The following ACBD3 variants were observed in gnomAD, a reference collection of about 807,000 sequenced individuals.
ACBD3 encodes the protein acyl-CoA binding domain containing 3, also known as Golgi resident protein GCP60.
Under a neutral mutation model 66.9 loss-of-function variants are expected in ACBD3, and 30 were observed. That is an observed-to-expected ratio of 0.45 (90% CI 0.34 to 0.61). The LOEUF (loss-of-function observed/expected upper bound fraction) is 0.61. Ranked by LOEUF, ACBD3 falls within the 20% of genes least tolerant of loss-of-function variation. The pLI is 0.02. For synonymous variants in ACBD3, 278 were observed against 259.8 expected (o/e 1.07, Z -0.68); for missense variants, 544 against 664.5 (o/e 0.82, Z 1.99).
intron 1 of ACBD3, among the ~76,000 whole-genome samples, chr1:226,171,881 C>T (rs1660000329): frequency 6.6e-6 from 1 of 151,916 alleles, no homozygotes; most frequent in Admixed American, 6.6e-5. Context: ...TGTGGCCACA[C>T]ACGGTGGCTC....
At chr1:226,179,771 T>G (rs1425872005) in intron 1 of ACBD3, among the ~76,000 whole-genome samples, 2 of 151,890 alleles carry the variant, frequency 1.3e-5, no homozygotes, top group African/African-American at 2.4e-5. Context: ...GGCAGGAGAA[T>G]CGCTTGAACC....
chr1:226,168,260 C>T (rs1659911120), intron 1 of ACBD3, among the ~76,000 whole-genome samples: 1 of 152,052 alleles, frequency 6.6e-6, no homozygotes, highest in Non-Finnish European at 1.5e-5. Flanking sequence ...ATTCTACTCA[C>T]CTATTTTCAG....
chr1:226,173,762 T>TTC (rs1655932031), intron 1 of ACBD3, among the ~76,000 whole-genome samples: 1 of 135,100 alleles, frequency 7.4e-6, no homozygotes, highest in African/African-American at 2.8e-5. Flanking sequence ...CTTTTCTTTT[T>TTC]TTTTTTTTTT....
chr1:226,146,998 T>G (rs1169633304), intron 7 of ACBD3, among the ~76,000 whole-genome samples, 177 bp from the exon 8 acceptor site: 3 of 152,176 alleles, frequency 2.0e-5, no homozygotes, highest in African/African-American at 7.2e-5. Flanking sequence ...TGCAAGCGAT[T>G]CTCCTGCCTC....
rs1048412044 is a variant in ACBD3, at chr1:226,175,821, A to G, written c.287-9821T>C. Among the ~76,000 whole-genome samples the G allele has an allele frequency of 8.5e-5, 13 of 152,344 alleles. No individual in the cohort carries two copies. In the East Asian group the frequency reaches 1.9e-3, roughly 23 times the overall value. On this transcript the variant is annotated intron_variant, in intron 1 of 7. Transcript: ENST00000366812. Reference sequence around the variant, plus strand: ...GTTGTAGTCCAATTTCACCTTTTCAATTGCTCTGGTTTCCATTTTTAATAA... The same window carrying G: ...GTTGTAGTCCAATTTCACCTTTTCAGTTGCTCTGGTTTCCATTTTTAATAA...
intron 7 of ACBD3, among the ~76,000 whole-genome samples, chr1:226,148,765 C>CA (rs1015698298): frequency 3.3e-5 from 5 of 152,320 alleles, no homozygotes; most frequent in African/African-American, 9.6e-5. Flanking sequence ...CCAAAAAACT[C>CA]AGACTCTTCT....
chr1:226,166,315 T>C (rs1274808343), intron 1 of ACBD3, among the ~76,000 whole-genome samples: 1 of 151,426 alleles, frequency 6.6e-6, no homozygotes, highest in Non-Finnish European at 1.5e-5. Context: ...CCACCAAACC[T>C]GTCTTTTGGC....
chr1:226,160,975 C>T (rs767185243), intron 4 of ACBD3, among the ~76,000 whole-genome samples: 16 of 152,184 alleles, frequency 1.1e-4, no homozygotes, highest in Non-Finnish European at 2.2e-4. Context: ...CCTCGGACAG[C>T]CTTGCATATG....
intron 7 of ACBD3, among the ~76,000 whole-genome samples, chr1:226,150,236 A>T (rs190504345): frequency 0.027 from 4,090 of 150,882 alleles, 88 homozygotes; most frequent in African/African-American, 0.057. Flanking sequence ...CTAAAAAAAA[A>T]TTTTTTTTGT....
intron 2 of ACBD3, among the ~76,000 whole-genome samples, chr1:226,165,523 T>A (rs1659861090): frequency 6.6e-6 from 1 of 152,190 alleles, no homozygotes. Flanking sequence ...ACTCAATGTA[T>A]TCTTTTTTTG....
At position 226,156,436 on chromosome 1, in the gene ACBD3, T is replaced by G. The variant is rs540346285; in HGVS notation, c.904-1603A>C. On this transcript the variant is annotated intron_variant, in intron 5 of 7. Transcript: ENST00000366812. Reference sequence around the variant, plus strand: ...TCTACTGTTGATGAGCATTTGGGCATGTAAGCAATGTTTTAAACTAAAACA... The same window carrying G: ...TCTACTGTTGATGAGCATTTGGGCAGGTAAGCAATGTTTTAAACTAAAACA... Among the ~76,000 whole-genome samples, 5 of 152,346 alleles carry G rather than the reference T, an allele frequency of 3.3e-5. No homozygotes were observed. The East Asian group carries it at 5.8e-4, about 18-fold the overall frequency.
At chr1:226,173,983 A>C (rs1655950062) in intron 1 of ACBD3, among the ~76,000 whole-genome samples, 1 of 151,844 alleles carries the variant, frequency 6.6e-6, no homozygotes, top group Non-Finnish European at 1.5e-5. Context: ...GGCTAGTCTC[A>C]AAACTCCTGA....
At chr1:226,179,181 C>T (rs114355629) in intron 1 of ACBD3, among the ~76,000 whole-genome samples, 2 of 152,280 alleles carry the variant, frequency 1.3e-5, no homozygotes, top group African/African-American at 2.4e-5. Context: ...ATAAATACTG[C>T]TCCTTAGGGT....
intron 1 of ACBD3, among the ~76,000 whole-genome samples, chr1:226,173,763 T>C (rs867434309): frequency 1.1e-4 from 15 of 136,016 alleles, no homozygotes; most frequent in East Asian, 1.0e-3. Flanking sequence ...TTTTCTTTTT[T>C]TTTTTTTTTT....
chr1:226,165,885 G>A lies in ACBD3; in HGVS notation c.402C>T (p.Phe134=), dbSNP rs1285804927. The stretch of plus-strand genomic sequence containing the variant: ...TCCTGTCATTCCCCAACACATCAAA[G>A]AATCCAACCTCAGGACAAGTGTCTG... ...YNPDTCPEVG[F]FDVLGNDRRR... is the part of the protein sequence containing the mutation. The change falls in exon 2 of 8, where the codon TTC becomes TTT. Residue 134 remains phenylalanine (F), a synonymous_variant. Transcript: ENST00000366812. 1.2e-6 allele frequency: 2 copies of A among 1,611,280 alleles called. No individual in the cohort carries two copies. Among genetic ancestry groups the A allele is most frequent in the Non-Finnish European group, 1.7e-6 (2 of 1,179,286 alleles).
chr1:226,146,593 A>C lies in ACBD3; in HGVS notation c.*17T>G. 6.2e-7 allele frequency: 1 copy of C among 1,608,314 alleles called. No individual in the cohort carries two copies. The highest frequency in any genetic ancestry group is 1.1e-5 in the South Asian group (1 of 90,798). The stretch of plus-strand genomic sequence containing the variant: ...TCTTCTGCCCAACCCTAGACTCCAG[A>C]CTTTGTAACAACATTTTTATCTAGT... On this transcript the variant is annotated 3_prime_UTR_variant, in exon 8 of 8. Transcript: ENST00000366812.
intron 1 of ACBD3, among the ~76,000 whole-genome samples, chr1:226,184,918 C>A (rs891812241): frequency 6.7e-6 from 1 of 149,076 alleles, no homozygotes; most frequent in Non-Finnish European, 1.5e-5. Context: ...CCTGCCTCAG[C>A]CTCCCTCAGT....
rs1006960960 is a variant in ACBD3 at position 226,152,026 on chromosome 1, T to A, written c.1375+309A>T. Among the ~76,000 whole-genome samples the A allele has an allele frequency of 6.6e-5, 10 of 152,110 alleles. No individual in the cohort carries two copies. The South Asian group carries it at 2.1e-3, about 32-fold the overall frequency. On this transcript the variant is annotated intron_variant, in intron 7 of 7. Coordinates refer to ENST00000366812, the MANE Select transcript of ACBD3 (RefSeq NM_022735.4). ...TGTCTCAAAAAAAAAAAAATTTTTTTTGAAGTAATCTTGCATATTTGGCTT... is the reference window on the plus strand; with the variant it reads ...TGTCTCAAAAAAAAAAAAATTTTTTATGAAGTAATCTTGCATATTTGGCTT...
chr1:226,184,886 C>T (rs1420119052), intron 1 of ACBD3, among the ~76,000 whole-genome samples: 2 of 150,230 alleles, frequency 1.3e-5, no homozygotes, highest in African/African-American at 2.5e-5. Flanking sequence ...GCAACCTCCG[C>T]CTCCCGGGTT....
Sources: allele counts gnomAD v4.1 joint callset (sites outside exome capture counted in the v4.1 genomes callset), GRCh38; gene constraint gnomAD v4.1.1; transcripts MANE v1.5; gene names NCBI Gene and HGNC (gene_info 2026-07-23, HGNC 2026-07-21).